Variants in GHR observed in about 807,000 individuals in gnomAD.
GHR encodes GH receptor.
A neutral mutation model predicts 67.1 loss-of-function variants in GHR; 35 were observed. The observed-to-expected ratio is 0.52, with a 90% CI of 0.40 to 0.69. GHR has a LOEUF of 0.69. Ranked by LOEUF, GHR falls within the 30% of genes least tolerant of loss-of-function variation. GHR has a pLI of 0.00. For synonymous variants in GHR, 272 were observed against 269.1 expected, an observed-to-expected ratio of 1.01 and a Z score of -0.10; for missense variants, 792 against 764.6, an observed-to-expected ratio of 1.04 and a Z score of -0.42.
chr5:42,688,118 GA>G (rs1757246784), intron 3 of GHR, among the ~76,000 whole-genome samples: 1 of 152,150 alleles, frequency 6.6e-6, no homozygotes, highest in Non-Finnish European at 1.5e-5. Flanking sequence ...TCTTTTAAAA[GA>G]ATGCAAACAT....
At chr5:42,589,281 G>T (rs1751653786) in intron 2 of GHR, among the ~76,000 whole-genome samples, 2 of 152,130 alleles carry the variant, frequency 1.3e-5, no homozygotes, top group Non-Finnish European at 2.9e-5. Flanking sequence ...TGCTTTCAGT[G>T]TCTAGGACAT....
At chr5:42,602,457 T>C (rs1405137408) in intron 2 of GHR, among the ~76,000 whole-genome samples, 1 of 152,198 alleles carries the variant, frequency 6.6e-6, no homozygotes, top group East Asian at 1.9e-4. Context: ...CTTCATTCTT[T>C]ACCCATTCAG....
chr5:42,711,592 G>A (rs191808951), intron 7 of GHR, among the ~76,000 whole-genome samples: 1 of 152,242 alleles, frequency 6.6e-6, no homozygotes. Flanking sequence ...GAAGTCCGGG[G>A]GGCAGGTGGA....
chr5:42,653,499 C>T (rs776489766), intron 3 of GHR, among the ~76,000 whole-genome samples: 23 of 152,176 alleles, frequency 1.5e-4, no homozygotes, highest in Admixed American at 2.6e-4. Flanking sequence ...TCATATTGAG[C>T]TTGTGAGGTT....
intron 2 of GHR, among the ~76,000 whole-genome samples, chr5:42,595,455 C>G (rs892808886): frequency 3.3e-5 from 5 of 152,238 alleles, no homozygotes; most frequent in Non-Finnish European, 5.9e-5. Flanking sequence ...ATCCAACTTA[C>G]TATAAATTCT....
chr5:42,620,828 T>C (rs1008637266), intron 2 of GHR, among the ~76,000 whole-genome samples: 1 of 152,164 alleles, frequency 6.6e-6, no homozygotes, highest in Non-Finnish European at 1.5e-5. Context: ...CTATTTTGAA[T>C]GAGTGAATTC....
chr5:42,467,774 T>C (rs1196547467), intron 1 of GHR: 3 of 1,526,878 alleles, frequency 2.0e-6, no homozygotes, highest in Middle Eastern at 1.7e-4. Context: ...GCACTCTGAC[T>C]AAATCCTTTC....
intron 1 of GHR, among the ~76,000 whole-genome samples, chr5:42,482,029 T>C (rs1745665921): frequency 6.6e-6 from 1 of 152,170 alleles, no homozygotes; most frequent in African/African-American, 2.4e-5. Context: ...CCTTTGGTCT[T>C]TGATGATGGT....
chr5:42,546,122 T>C (rs571183225), intron 1 of GHR, among the ~76,000 whole-genome samples: 14 of 152,198 alleles, frequency 9.2e-5, no homozygotes, highest in Non-Finnish European at 1.5e-4. Flanking sequence ...CTTTATGGTA[T>C]CAAGAATAAA....
At chr5:42,592,410 G>A (rs546800961) in intron 2 of GHR, among the ~76,000 whole-genome samples, 3 of 152,176 alleles carry the variant, frequency 2.0e-5, no homozygotes, top group Non-Finnish European at 2.9e-5. Context: ...GTCCTCACCC[G>A]CCTCCCATCC....
At chr5:42,534,678 T>C (rs958341438) in intron 1 of GHR, among the ~76,000 whole-genome samples, 2 of 152,080 alleles carry the variant, frequency 1.3e-5, no homozygotes, top group Admixed American at 1.3e-4. Context: ...AGATACCCAG[T>C]AGTGAGATTG....
At chr5:42,446,016 G>A (rs763040108) in intron 1 of GHR, among the ~76,000 whole-genome samples, 1 of 152,190 alleles carries the variant, frequency 6.6e-6, no homozygotes, top group Non-Finnish European at 1.5e-5. Flanking sequence ...AACTGCCCAG[G>A]AAACCCATCT....
At chr5:42,615,858 C>T (rs1320237385) in intron 2 of GHR, among the ~76,000 whole-genome samples, 2 of 151,854 alleles carry the variant, frequency 1.3e-5, no homozygotes, top group African/African-American at 2.4e-5. Context: ...AAAATGTTCG[C>T]AGAGGGAAAA....
intron 1 of GHR, among the ~76,000 whole-genome samples, chr5:42,470,187 C>A (rs1744944423): frequency 7.2e-6 from 1 of 138,738 alleles, no homozygotes; most frequent in African/African-American, 2.5e-5. Context: ...ATATTATATA[C>A]TATTATATTA....
chr5:42,631,675 G>A (rs1355785205), intron 3 of GHR, among the ~76,000 whole-genome samples: 1 of 152,122 alleles, frequency 6.6e-6, no homozygotes, highest in African/African-American at 2.4e-5. Flanking sequence ...TGTTTAATAT[G>A]AAAAGTTAGT....
rs115987902 is a variant in GHR at position 42,595,797 on chromosome 5, C to G, written c.70+29853C>G. Among the ~76,000 whole-genome samples, 597 of 152,256 alleles carry G rather than the reference C, an allele frequency of 3.9e-3. 4 individuals carry two copies. Among genetic ancestry groups the G allele is most frequent in the African/African-American group, 0.014 (576 of 41,554 alleles). On this transcript the variant is annotated intron_variant, in intron 2 of 9. Transcript: ENST00000230882. ...TGGAGAGGCGGGGTGTTTTATGTGA[C>G]AGATTGGCTGTAATAAAGATGCAGC...
At chr5:42,485,979 A>T (rs1475783451) in intron 1 of GHR, among the ~76,000 whole-genome samples, 1 of 152,196 alleles carries the variant, frequency 6.6e-6, no homozygotes, top group East Asian at 1.9e-4. Flanking sequence ...TTAGATCAGT[A>T]GTTCTCAAAC....
chr5:42,715,848 C>A (rs138279161), intron 8 of GHR, among the ~76,000 whole-genome samples: 494 of 152,258 alleles, frequency 3.2e-3, no homozygotes, highest in Non-Finnish European at 5.4e-3. Flanking sequence ...AACCAGCTAT[C>A]CTATTTGGGA....
rs1444175565 is a variant in GHR at position 42,455,281 on chromosome 5, A to G, written c.-12+31326A>G. Among the ~76,000 whole-genome samples, 6 of 152,066 alleles carry G rather than the reference A, an allele frequency of 3.9e-5. 1 individual carries two copies. Among genetic ancestry groups the G allele is most frequent in the Admixed American group, 3.9e-4 (6 of 15,274 alleles). On this transcript the variant is annotated intron_variant, in intron 1 of 9. Transcript: ENST00000230882. ...AGCAGCCTGTCACTTCTTTCAAAGG[A>G]TCTGTGAATTCTTTCCATTTTCCTG...
Sources: allele counts gnomAD v4.1 joint callset (sites outside exome capture counted in the v4.1 genomes callset), GRCh38; gene constraint gnomAD v4.1.1; transcripts MANE v1.5; gene names NCBI Gene and HGNC (gene_info 2026-07-23, HGNC 2026-07-21).